Variants in VWA3A observed in about 807,000 individuals in gnomAD.
The protein encoded by VWA3A is von Willebrand factor A domain containing 3A, also known as von Willebrand factor A domain-containing protein 3A.
A neutral mutation model predicts 160.4 loss-of-function variants in VWA3A; 134 were observed. That is an observed-to-expected ratio of 0.84 (90% confidence interval 0.73 to 0.96). The LOEUF (loss-of-function observed/expected upper bound fraction) is 0.96, where lower values mean the gene tolerates loss of function less well. VWA3A is among the 40% of genes least tolerant of loss of function. The probability of loss-of-function intolerance (pLI) is 0.00; values close to 1 mark genes in which losing one functional copy is unlikely to be tolerated. For synonymous variants in VWA3A, 476 were observed against 543.4 expected (o/e 0.88, Z 1.72); for missense variants, 1,310 against 1,447.9 (o/e 0.90, Z 1.55).
chr16:22,138,703 C>T (rs72768911), intron 22 of VWA3A, among the ~76,000 whole-genome samples, 191 bp downstream of exon 22: 2 of 152,150 alleles, frequency 1.3e-5, no homozygotes, highest in South Asian at 2.1e-4. Flanking sequence ...CCTCAGCTCT[C>T]GGGGTCCTCT....
chr16:22,102,408 T>G (rs1457687056), intron 5 of VWA3A, among the ~76,000 whole-genome samples: 1 of 152,106 alleles, frequency 6.6e-6, no homozygotes, highest in Non-Finnish European at 1.5e-5. Flanking sequence ...TATTCATAAC[T>G]CATGTATCCC....
chr16:22,131,771 C>T (rs2141959423), intron 19 of VWA3A, 42 bp downstream of exon 19: 2 of 1,580,426 alleles, frequency 1.3e-6, no homozygotes, highest in South Asian at 1.2e-5. Flanking sequence ...CCTTTGCGAC[C>T]TCATCCGTCT....
intron 6 of VWA3A, among the ~76,000 whole-genome samples, chr16:22,105,885 A>G (rs2045475757): frequency 6.6e-6 from 1 of 152,232 alleles, no homozygotes; most frequent in Non-Finnish European, 1.5e-5. Context: ...TCATGAATTC[A>G]ACAAACATGT....
intron 9 of VWA3A, 148 bp downstream of exon 9, chr16:22,115,620 C>A (rs567815506): frequency 3.3e-6 from 3 of 918,550 alleles, no homozygotes; most frequent in Non-Finnish European, 4.6e-6. Flanking sequence ...TTGCTCGAAG[C>A]CAGGAGTTTG....
At chr16:22,147,230 C>A (rs1247265032) in intron 27 of VWA3A, among the ~76,000 whole-genome samples, 1 of 152,104 alleles carries the variant, frequency 6.6e-6, no homozygotes, top group Non-Finnish European at 1.5e-5. Context: ...TTCTATGTTG[C>A]ACAGGCTGGC....
intron 11 of VWA3A, among the ~76,000 whole-genome samples, chr16:22,118,336 G>T (rs765865446): frequency 2.6e-5 from 4 of 152,052 alleles, no homozygotes; most frequent in African/African-American, 9.6e-5. Context: ...ATCCTAGTGC[G>T]TGTAAAGTGT....
chr16:22,151,918 T>C (rs2046355314), intron 30 of VWA3A, among the ~76,000 whole-genome samples: 1 of 151,972 alleles, frequency 6.6e-6, no homozygotes, highest in South Asian at 2.1e-4. Context: ...CATAAATAAA[T>C]GGGGGCTAGG....
At chr16:22,144,938 G>C (rs1347493577) in intron 26 of VWA3A, among the ~76,000 whole-genome samples, 1 of 152,000 alleles carries the variant, frequency 6.6e-6, no homozygotes, top group South Asian at 2.1e-4. Context: ...GGAAAAGATA[G>C]GAAAAATAGC....
intron 26 of VWA3A, 53 bp from the exon 27 acceptor site, chr16:22,146,183 T>C: frequency 7.2e-7 from 1 of 1,379,642 alleles, no homozygotes; most frequent in South Asian, 1.2e-5. Context: ...GTGATGGGGA[T>C]ATGAAGAAAT....
Position 22,118,892 on chromosome 16 carries a change from C to G in VWA3A, c.991-10C>G, listed in dbSNP as rs929100374. 1.9e-6 allele frequency: 3 copies of G among 1,613,544 alleles called. No homozygotes were observed. The highest frequency in any genetic ancestry group is 8.5e-7 in the Non-Finnish European group (1 of 1,179,722). On this transcript the variant is annotated splice_polypyrimidine_tract_variant and intron_variant, in intron 11 of 33. Coordinates refer to ENST00000389398, the MANE Select transcript of VWA3A (RefSeq NM_173615.5). ...GATTCCGGATGTCTGATTGCTCTTG[C>G]CACCCTCAGCACTACACCAGCCGGG...
chr16:22,099,613 C>G (rs1201218841), intron 3 of VWA3A, among the ~76,000 whole-genome samples: 2 of 152,234 alleles, frequency 1.3e-5, no homozygotes, highest in Non-Finnish European at 2.9e-5. Flanking sequence ...GTTTTTCACA[C>G]TTCTTCAACA....
At chr16:22,141,736 TGG>T in intron 24 of VWA3A, 44 bp downstream of exon 24, 1 of 1,522,794 alleles carries the variant, frequency 6.6e-7, no homozygotes, top group Non-Finnish European at 8.9e-7. Context: ...CCCCTGGCCC[TGG>T]GGGAGCTGTA....
chr16:22,112,923 G>A (rs1020564006), intron 8 of VWA3A, among the ~76,000 whole-genome samples: 1 of 152,144 alleles, frequency 6.6e-6, no homozygotes, highest in African/African-American at 2.4e-5. Context: ...TGCAGAACAA[G>A]GCCAATCCTA....
chr16:22,138,606 A>T (rs1316003372), intron 22 of VWA3A, 94 bp downstream of exon 22: 1 of 1,519,148 alleles, frequency 6.6e-7, no homozygotes, highest in Non-Finnish European at 8.9e-7. Context: ...GCCAGCAGGG[A>T]TGGGGGTGGG....
intron 6 of VWA3A, among the ~76,000 whole-genome samples, chr16:22,107,142 G>T (rs1281350969): frequency 6.6e-6 from 1 of 152,150 alleles, no homozygotes; most frequent in Non-Finnish European, 1.5e-5. Flanking sequence ...CATTCAGATG[G>T]TATTCAAAGT....
At chr16:22,141,168 A>G (rs1394591590) in intron 23 of VWA3A, 4 of 459,936 alleles carry the variant, frequency 8.7e-6, no homozygotes, top group East Asian at 6.9e-5. Context: ...AGCTCGTAGA[A>G]CCTAAGACCA....
rs760832839 is a variant in VWA3A, at chr16:22,116,310, GAGAA to G, written c.816-446_816-443del. The G allele has an allele frequency of 1.8e-4, 74 of 400,236 alleles. 1 individual carries two copies. Among genetic ancestry groups the G allele is most frequent in the South Asian group, 9.5e-4 (51 of 53,812 alleles). The allele number at this position is 400,236 out of a possible 1,614,324, so 24.8% of individuals were successfully genotyped here. A position where few individuals can be genotyped will look rare whatever the true frequency, so the allele number is the denominator to read the frequency against. On this transcript the variant is annotated intron_variant, in intron 9 of 33. Coordinates refer to ENST00000389398, the MANE Select transcript of VWA3A (RefSeq NM_173615.5). Reference sequence around the variant, plus strand: ...AAGGAAAGAAGGAAGAGAGAAAAAAGAGAAAGGAAGGAAAGATGGAAGAGAGAGA... The same window carrying G: ...AAGGAAAGAAGGAAGAGAGAAAAAAGAGGAAGGAAAGATGGAAGAGAGAGA...
chr16:22,111,511 G>A (rs975779667), intron 8 of VWA3A, among the ~76,000 whole-genome samples: 7 of 151,270 alleles, frequency 4.6e-5, no homozygotes, highest in Non-Finnish European at 8.8e-5. Context: ...ATTTAGACAG[G>A]GTCTCTGTTG....
chr16:22,097,530 C>T (rs1436117348), intron 2 of VWA3A, 42 bp from the exon 3 acceptor site: 7 of 1,547,024 alleles, frequency 4.5e-6, no homozygotes, highest in Non-Finnish European at 5.2e-6. Context: ...CAAACCTATG[C>T]CCAGTGCTGG....
Sources: gnomAD v4.1 joint callset for allele counts (sites outside exome capture counted in the v4.1 genomes callset) on GRCh38, gnomAD v4.1.1 for gene constraint, MANE v1.5 for transcripts, NCBI Gene and HGNC (gene_info 2026-07-23, HGNC 2026-07-21) for gene names.